Variants in DPP10 observed in about 807,000 individuals in gnomAD.
The protein encoded by DPP10 is inactive dipeptidyl peptidase 10.
Under a neutral mutation model 120.9 loss-of-function variants are expected in DPP10, and 33 were observed. The observed-to-expected ratio is 0.27, with a 90% CI of 0.21 to 0.37. The LOEUF is 0.37. DPP10 is among the 10% of genes least tolerant of loss of function. The pLI is 1.00. For synonymous variants in DPP10, 337 were observed against 326.1 expected (o/e 1.03, Z -0.36); for missense variants, 816 against 942.8 (o/e 0.87, Z 1.76).
chr2:115,145,518 T>C (rs867083448), intron 1 of DPP10, among the ~76,000 whole-genome samples: 4 of 152,212 alleles, frequency 2.6e-5, no homozygotes, highest in South Asian at 2.1e-4. Context: ...TTTCGTTGTA[T>C]GGATATACCA....
At chr2:114,658,100 A>T (rs1390118357) in intron 1 of DPP10, among the ~76,000 whole-genome samples, 1 of 152,232 alleles carries the variant, frequency 6.6e-6, no homozygotes, top group Non-Finnish European at 1.5e-5. Flanking sequence ...TTTGTGAGAC[A>T]GATTAGATAT....
At chr2:115,239,717 A>G (rs1190455349) in intron 1 of DPP10, among the ~76,000 whole-genome samples, 1 of 152,058 alleles carries the variant, frequency 6.6e-6, no homozygotes, top group African/African-American at 2.4e-5. Context: ...CCCATCATAT[A>G]CATTAGGTAT....
At chr2:115,251,107 A>G (rs768495212) in intron 1 of DPP10, among the ~76,000 whole-genome samples, 25 of 152,210 alleles carry the variant, frequency 1.6e-4, no homozygotes, top group Non-Finnish European at 1.0e-4. Flanking sequence ...TGCCAGGGAT[A>G]GGTCTGTGGA....
At chr2:115,373,381 C>T (rs1053014027) in intron 3 of DPP10, among the ~76,000 whole-genome samples, 2 of 152,122 alleles carry the variant, frequency 1.3e-5, no homozygotes, top group African/African-American at 4.8e-5. Flanking sequence ...ATTTATCTAA[C>T]CCTGTGTAGT....
intron 1 of DPP10, among the ~76,000 whole-genome samples, chr2:114,628,823 C>T (rs565878672): frequency 1.3e-5 from 2 of 152,244 alleles, no homozygotes; most frequent in East Asian, 1.9e-4. Flanking sequence ...TTTATTGTTT[C>T]GTGCAGTCCT....
intron 1 of DPP10, among the ~76,000 whole-genome samples, chr2:115,283,451 A>C (rs2060240784): frequency 6.6e-6 from 1 of 151,930 alleles, no homozygotes; most frequent in Non-Finnish European, 1.5e-5. Flanking sequence ...TTGATTATTT[A>C]TTGTTTTATA....
intron 1 of DPP10, among the ~76,000 whole-genome samples, chr2:114,518,790 C>T (rs989065212): frequency 1.3e-5 from 2 of 152,240 alleles, no homozygotes; most frequent in East Asian, 1.9e-4. Flanking sequence ...GTCATCATAG[C>T]GGGTTATCCA....
intron 22 of DPP10, 59 bp downstream of exon 22, chr2:115,836,315 C>T: frequency 1.3e-6 from 2 of 1,496,222 alleles, no homozygotes; most frequent in East Asian, 2.3e-5. Flanking sequence ...AAACGAAAGC[C>T]CAATTTAGAA....
intron 7 of DPP10, among the ~76,000 whole-genome samples, chr2:115,701,061 A>G (rs945447932): frequency 1.9e-4 from 29 of 152,108 alleles, no homozygotes; most frequent in African/African-American, 6.8e-4. Flanking sequence ...AATCCAAATA[A>G]TGTCTTTTTT....
At chr2:114,590,994 G>C (rs1558912199) in intron 1 of DPP10, among the ~76,000 whole-genome samples, 1 of 152,114 alleles carries the variant, frequency 6.6e-6, no homozygotes, top group Non-Finnish European at 1.5e-5. Context: ...TGAAGCATGA[G>C]GAAAAAATAG....
rs185096688 is a variant in DPP10 at position 115,602,426 on chromosome 2, C to T, written c.441+76454C>T. ...TTTATATCACATTAGTCCATTTCAA[C>T]GCCATATTTTCTATTTATCGTTACT... On this transcript the variant is annotated intron_variant, in intron 5 of 25. Coordinates refer to ENST00000410059, the MANE Select transcript of DPP10 (RefSeq NM_020868.6). Among the ~76,000 whole-genome samples the T allele has an allele frequency of 2.4e-3, 362 of 152,278 alleles. 6 individuals carry two copies. Among genetic ancestry groups the T allele is most frequent in the Middle Eastern group, 0.014 (4 of 294 alleles).
chr2:115,442,680 A>G (rs1475693553), intron 3 of DPP10, among the ~76,000 whole-genome samples: 1 of 152,162 alleles, frequency 6.6e-6, no homozygotes, highest in Non-Finnish European at 1.5e-5. Flanking sequence ...ACACAAATCT[A>G]AAGACAAATT....
At chr2:114,540,042 T>C (rs1313937726) in intron 1 of DPP10, among the ~76,000 whole-genome samples, 2 of 152,176 alleles carry the variant, frequency 1.3e-5, no homozygotes, top group African/African-American at 4.8e-5. Context: ...AAGTACATAA[T>C]AGGAATGGAA....
chr2:114,796,696 G>T (rs1261234042), intron 1 of DPP10, among the ~76,000 whole-genome samples: 1 of 152,128 alleles, frequency 6.6e-6, no homozygotes, highest in East Asian at 1.9e-4. Context: ...CCCAATAGGA[G>T]CATTTTGCAT....
intron 1 of DPP10, among the ~76,000 whole-genome samples, chr2:115,254,688 A>C (rs983350783): frequency 1.3e-5 from 2 of 152,208 alleles, no homozygotes; most frequent in African/African-American, 4.8e-5. Context: ...AAATACACCC[A>C]TTCCAGATGG....
At chr2:114,827,357 C>T (rs771227416) in intron 1 of DPP10, among the ~76,000 whole-genome samples, 1 of 151,942 alleles carries the variant, frequency 6.6e-6, no homozygotes, top group Non-Finnish European at 1.5e-5. Context: ...TATTGAAGCT[C>T]TATGTAGGAG....
At chr2:115,299,696 G>C (rs1241686161) in intron 1 of DPP10, among the ~76,000 whole-genome samples, 1 of 151,928 alleles carries the variant, frequency 6.6e-6, no homozygotes, top group Non-Finnish European at 1.5e-5. Context: ...ATATAGTTTT[G>C]CTTCTGTATT....
intron 1 of DPP10, among the ~76,000 whole-genome samples, chr2:115,056,925 A>G (rs992616905): frequency 1.3e-5 from 2 of 152,222 alleles, no homozygotes; most frequent in Admixed American, 6.5e-5. Context: ...TTTTATTACT[A>G]TGGCATTAAC....
chr2:115,712,750 T>A (rs2092372923), intron 7 of DPP10, among the ~76,000 whole-genome samples: 1 of 151,052 alleles, frequency 6.6e-6, no homozygotes, highest in African/African-American at 2.4e-5. Context: ...GCTACAAAAT[T>A]TTATTGTAGT....
Sources: gnomAD v4.1 joint callset for allele counts (sites outside exome capture counted in the v4.1 genomes callset) on GRCh38, gnomAD v4.1.1 for gene constraint, MANE v1.5 for transcripts, NCBI Gene and HGNC (gene_info 2026-07-23, HGNC 2026-07-21) for gene names.